MALRD1: variants seen among roughly 807,000 people sequenced by gnomAD.
MALRD1 encodes the protein MAM and LDL receptor class A domain containing 1, also known as MAM and LDL-receptor class A domain-containing protein 1.
A neutral mutation model predicts 242.1 loss-of-function variants in MALRD1; 247 were observed. The ratio of observed to expected loss-of-function variants is 1.02; its 90% CI spans 0.92 to 1.13. The LOEUF (loss-of-function observed/expected upper bound fraction) is 1.13. Ranked by LOEUF, MALRD1 falls within the 50% of genes most tolerant of loss-of-function variation. MALRD1 has a pLI of 0.00. For synonymous variants in MALRD1, 995 were observed against 866.6 expected (o/e 1.15, Z -2.60); for missense variants, 2,989 against 2,533.1 (o/e 1.18, Z -3.86).
intron 5 of MALRD1, among the ~76,000 whole-genome samples, chr10:19,110,095 C>G (rs1375847452): frequency 2.0e-5 from 3 of 152,182 alleles, no homozygotes; most frequent in African/African-American, 4.8e-5. Context: ...CTGCTATTCC[C>G]CTGCAACACT....
chr10:19,103,219 T>C lies in MALRD1; in HGVS notation c.598-760T>C, dbSNP rs184701868. Among the ~76,000 whole-genome samples, 352 of 151,860 alleles carry C rather than the reference T, an allele frequency of 2.3e-3. 2 individuals are homozygous for C. The highest frequency in any genetic ancestry group is 4.1e-3 in the Non-Finnish European group (280 of 67,928). On this transcript the variant is annotated intron_variant, in intron 4 of 39. Transcript: ENST00000454679. Reference sequence around the variant, plus strand: ...TCGATGTTTAGATAATGGCAGAAAATGTGCAATAGGTTAGCATGAGGATGA... The same window carrying C: ...TCGATGTTTAGATAATGGCAGAAAACGTGCAATAGGTTAGCATGAGGATGA...
At chr10:19,592,106 T>C (rs536611306) in intron 33 of MALRD1, among the ~76,000 whole-genome samples, 1 of 152,186 alleles carries the variant, frequency 6.6e-6, no homozygotes, top group Non-Finnish European at 1.5e-5. Context: ...AGAGGAGATT[T>C]AATTTAAACT....
intron 4 of MALRD1, among the ~76,000 whole-genome samples, chr10:19,095,087 G>T (rs933918866): frequency 1.3e-5 from 2 of 151,950 alleles, no homozygotes; most frequent in Admixed American, 6.6e-5. Flanking sequence ...TCATAAATTT[G>T]ATATAAATCA....
rs12355137 is a variant in MALRD1, at chr10:19,451,764, A to G, written c.5029+1274A>G. Among the ~76,000 whole-genome samples, 11 of 152,204 alleles carry G rather than the reference A, an allele frequency of 7.2e-5. No homozygotes were observed. In the Middle Eastern group the frequency reaches 0.01, roughly 141 times the overall value. ...GGTACTGTTTCAAAAGATTCTACTT[A>G]GAAATACATTCTTTAAACTTCGAAT... On this transcript the variant is annotated intron_variant, in intron 29 of 39. Transcript: ENST00000454679.
At chr10:19,312,763 A>G (rs1757974938) in intron 21 of MALRD1, among the ~76,000 whole-genome samples, 1 of 151,362 alleles carries the variant, frequency 6.6e-6, no homozygotes, top group African/African-American at 2.4e-5. Flanking sequence ...ATTTTAGATG[A>G]CATTAGATGA....
At chr10:19,199,933 G>T (rs1385440105) in intron 14 of MALRD1, among the ~76,000 whole-genome samples, 1 of 152,012 alleles carries the variant, frequency 6.6e-6, no homozygotes, top group Non-Finnish European at 1.5e-5. Context: ...TCAGACCAGC[G>T]TGGGCAACAT....
At chr10:19,185,758 A>C (rs978712719) in intron 14 of MALRD1, among the ~76,000 whole-genome samples, 3 of 152,024 alleles carry the variant, frequency 2.0e-5, no homozygotes, top group African/African-American at 7.2e-5. Flanking sequence ...ACATAAATGC[A>C]TTAAGAGAAG....
At position 19,283,635 on chromosome 10, in the gene MALRD1, G is replaced by A. The variant is rs1588847744; in HGVS notation, c.3419+454G>A. Reference sequence around the variant, plus strand: ...ACTCCGATGTGTATTTGTCATACATGTATGAACACAGGTAAATGTGCAGAT... The same window carrying A: ...ACTCCGATGTGTATTTGTCATACATATATGAACACAGGTAAATGTGCAGAT... On this transcript the variant is annotated intron_variant, in intron 21 of 39. Coordinates refer to ENST00000454679, the MANE Select transcript of MALRD1 (RefSeq NM_001142308.3). Among the ~76,000 whole-genome samples, 3 of 151,430 alleles carry A rather than the reference G, an allele frequency of 2.0e-5. No individual in the cohort carries two copies. The East Asian group carries it at 5.8e-4, about 29-fold the overall frequency.
At chr10:19,714,059 T>C (rs530338030) in intron 38 of MALRD1, among the ~76,000 whole-genome samples, 1 of 152,284 alleles carries the variant, frequency 6.6e-6, no homozygotes, top group East Asian at 1.9e-4. Context: ...GCGTGTGTTA[T>C]AGTGTGCTCT....
chr10:19,577,857 AC>A (rs1836907454), intron 33 of MALRD1, among the ~76,000 whole-genome samples: 1 of 152,254 alleles, frequency 6.6e-6, no homozygotes, highest in Admixed American at 6.5e-5. Context: ...GGAAATTATA[AC>A]CTTTGCTGAC....
At chr10:19,371,689 G>T (rs1845386511) in intron 26 of MALRD1, among the ~76,000 whole-genome samples, 1 of 151,932 alleles carries the variant, frequency 6.6e-6, no homozygotes, top group African/African-American at 2.4e-5. Flanking sequence ...GAAAGGCATT[G>T]TTCTATAATT....
intron 26 of MALRD1, among the ~76,000 whole-genome samples, chr10:19,372,141 G>A (rs1227371651): frequency 6.6e-6 from 1 of 152,078 alleles, no homozygotes; most frequent in Non-Finnish European, 1.5e-5. Context: ...ATAGTTGTAT[G>A]AGAACTTAAA....
intron 36 of MALRD1, among the ~76,000 whole-genome samples, chr10:19,679,933 T>C (rs1842298587): frequency 6.6e-6 from 1 of 152,238 alleles, no homozygotes; most frequent in Non-Finnish European, 1.5e-5. Flanking sequence ...AAGCAGGTTG[T>C]TCAATTTCCA....
intron 28 of MALRD1, among the ~76,000 whole-genome samples, chr10:19,408,804 T>A (rs1340228420): frequency 3.3e-5 from 5 of 152,296 alleles, no homozygotes; most frequent in African/African-American, 1.2e-4. Flanking sequence ...GATATAGAGA[T>A]ACTGAATCAT....
chr10:19,240,547 A>G (rs1230180582), intron 18 of MALRD1, among the ~76,000 whole-genome samples: 3 of 152,042 alleles, frequency 2.0e-5, no homozygotes, highest in Non-Finnish European at 4.4e-5. Flanking sequence ...TCCAGTTTGG[A>G]TCCCTCTTAT....
Position 19,313,619 on chromosome 10 carries a change from T to C in MALRD1, c.3420-10330T>C, listed in dbSNP as rs147280771. Among the ~76,000 whole-genome samples, 417 of 151,738 alleles carry C rather than the reference T, an allele frequency of 2.7e-3. 2 individuals are homozygous for C. Among genetic ancestry groups the C allele is most frequent in the Non-Finnish European group, 1.2e-3 (80 of 67,726 alleles). On this transcript the variant is annotated intron_variant, in intron 21 of 39. Coordinates refer to ENST00000454679, the MANE Select transcript of MALRD1 (RefSeq NM_001142308.3). ...TTAAATGATCACACATACCTCAAAC[T>C]ATGTACATCTATTATGAATCAATTA...
intron 21 of MALRD1, among the ~76,000 whole-genome samples, chr10:19,318,778 A>G (rs558082532): frequency 2.1e-4 from 32 of 152,004 alleles, no homozygotes; most frequent in African/African-American, 7.5e-4. Context: ...TTTATTACAC[A>G]TGTGCTTTAT....
intron 33 of MALRD1, among the ~76,000 whole-genome samples, chr10:19,574,868 C>T (rs60470682): frequency 2.1e-3 from 313 of 152,164 alleles, no homozygotes; most frequent in African/African-American, 7.2e-3. Flanking sequence ...ATTAGGGCAG[C>T]GAGGTAAAAG....
At chr10:19,066,641 T>G (rs374997524) in intron 1 of MALRD1, 78 bp from the exon 2 acceptor site, 2 of 1,090,302 alleles carry the variant, frequency 1.8e-6, no homozygotes, top group African/African-American at 1.6e-5. Flanking sequence ...GTTGCTAAAC[T>G]TTATTTTTCT....
Sources: gnomAD v4.1 joint callset for allele counts (sites outside exome capture counted in the v4.1 genomes callset) on GRCh38, gnomAD v4.1.1 for gene constraint, MANE v1.5 for transcripts, NCBI Gene and HGNC (gene_info 2026-07-23, HGNC 2026-07-21) for gene names.